The following TCF12 variants were observed in gnomAD, a reference collection of about 807,000 sequenced individuals.
TCF12 encodes the protein DNA-binding protein HTF4.
Under a neutral mutation model 86.0 loss-of-function variants are expected in TCF12, and 45 were observed. The ratio of observed to expected loss-of-function variants is 0.52; its 90% CI spans 0.41 to 0.67. TCF12 has a LOEUF of 0.67. Among genes scored for constraint, TCF12 ranks in the 30% least tolerant of loss-of-function variants. The pLI, the probability that TCF12 is intolerant of heterozygous loss-of-function variation, is 0.00. For missense variants in TCF12, 881 were observed against 859.9 expected (o/e 1.02, Z -0.31); for synonymous variants, 330 against 299.6 (o/e 1.10, Z -1.05).
chr15:57,220,466 T>C (rs1295010632), intron 8 of TCF12, among the ~76,000 whole-genome samples: 1 of 152,198 alleles, frequency 6.6e-6, no homozygotes, highest in Non-Finnish European at 1.5e-5. Context: ...ATTTTGACCT[T>C]GTGTGGATTC....
intron 3 of TCF12, among the ~76,000 whole-genome samples, chr15:56,999,737 G>A (rs1231166520): frequency 6.6e-6 from 1 of 152,022 alleles, no homozygotes; most frequent in Non-Finnish European, 1.5e-5. Flanking sequence ...AGCTGGGCGT[G>A]GTGGTGCATG....
intron 3 of TCF12, among the ~76,000 whole-genome samples, chr15:56,948,097 A>G (rs1301174128): frequency 6.6e-6 from 1 of 152,064 alleles, no homozygotes; most frequent in East Asian, 1.9e-4. Context: ...TGAAGTTTAA[A>G]TGAGATGATG....
intron 7 of TCF12, among the ~76,000 whole-genome samples, chr15:57,195,617 A>G (rs537820299): frequency 6.6e-6 from 1 of 152,170 alleles, no homozygotes; most frequent in Non-Finnish European, 1.5e-5. Flanking sequence ...TGTTGTGTAC[A>G]GTTTTCTTCA....
At chr15:56,967,071 G>A (rs529729851) in intron 3 of TCF12, among the ~76,000 whole-genome samples, 8 of 152,172 alleles carry the variant, frequency 5.3e-5, no homozygotes, top group African/African-American at 1.9e-4. Context: ...TCAGTGAGTC[G>A]AGATCGTGCC....
At chr15:56,979,585 C>T (rs769459022) in intron 3 of TCF12, among the ~76,000 whole-genome samples, 12 of 152,122 alleles carry the variant, frequency 7.9e-5, no homozygotes, top group South Asian at 2.1e-4. Context: ...GAGAGAAACA[C>T]GTTGAATGGT....
At chr15:57,267,206 A>G (rs2060911120) in intron 18 of TCF12, among the ~76,000 whole-genome samples, 2 of 152,212 alleles carry the variant, frequency 1.3e-5, no homozygotes, top group African/African-American at 4.8e-5. Context: ...AGATAAAACT[A>G]AAAGAAGCAG....
At chr15:57,256,624 T>G (rs1424204005) in intron 16 of TCF12, among the ~76,000 whole-genome samples, 2 of 146,474 alleles carry the variant, frequency 1.4e-5, no homozygotes, top group African/African-American at 5.0e-5. Flanking sequence ...TTTTCCGGAA[T>G]TAACATAAGT....
chr15:57,217,939 A>G (rs1429702688), intron 8 of TCF12, among the ~76,000 whole-genome samples: 2 of 152,166 alleles, frequency 1.3e-5, no homozygotes, highest in Non-Finnish European at 2.9e-5. Context: ...TGGCATTTTA[A>G]TAGTCTGCTG....
intron 8 of TCF12, among the ~76,000 whole-genome samples, chr15:57,229,683 T>G (rs2059042407): frequency 6.6e-6 from 1 of 151,932 alleles, no homozygotes; most frequent in South Asian, 2.1e-4. Context: ...TAACTACTTC[T>G]GTTAGAATGA....
chr15:56,957,880 A>G (rs1298840191), intron 3 of TCF12, among the ~76,000 whole-genome samples: 1 of 144,282 alleles, frequency 6.9e-6, no homozygotes, highest in Non-Finnish European at 1.6e-5. Context: ...TTGCTTTTAA[A>G]GATTTGTTAG....
rs138315824 is a variant in TCF12 at position 57,267,643 on chromosome 15, C to T, written c.1745+4369C>T. Among the ~76,000 whole-genome samples the T allele has an allele frequency of 2.7e-3, 406 of 152,262 alleles. 1 individual carries two copies. The highest frequency in any genetic ancestry group is 9.2e-3 in the African/African-American group (381 of 41,542). ...AAAGTAGCCAAAGTCAAATGGGTAT[C>T]GCTGTTCCAATAAAATTTTACTTAC... On this transcript the variant is annotated intron_variant, in intron 18 of 20. Coordinates refer to ENST00000333725, the MANE Select transcript of TCF12 (RefSeq NM_207037.2).
intron 5 of TCF12, among the ~76,000 whole-genome samples, chr15:57,126,724 G>C (rs1292825500): frequency 1.3e-5 from 2 of 151,900 alleles, no homozygotes; most frequent in Non-Finnish European, 2.9e-5. Context: ...TTAATATCTG[G>C]TCTCCCCAGT....
At chr15:57,176,954 A>G (rs1222057858) in intron 6 of TCF12, among the ~76,000 whole-genome samples, 2 of 152,162 alleles carry the variant, frequency 1.3e-5, no homozygotes, top group African/African-American at 4.8e-5. Flanking sequence ...GATTTAGGGA[A>G]TTGTTGGAGT....
rs185167800 is a variant in TCF12, at chr15:57,074,007, C to A, written c.222+10184C>A. ...CCTCATGATCCGCCTGTCTCGTCCT[C>A]CCAAAGTGCTGGGATTACAGGCATG... On this transcript the variant is annotated intron_variant, in intron 4 of 20. Transcript: ENST00000333725. Among the ~76,000 whole-genome samples the A allele has an allele frequency of 3.6e-3, 555 of 152,250 alleles. 5 individuals are homozygous for A. Among genetic ancestry groups the A allele is most frequent in the African/African-American group, 0.013 (528 of 41,534 alleles).
intron 3 of TCF12, among the ~76,000 whole-genome samples, chr15:56,973,414 C>A (rs545536206): frequency 6.6e-6 from 1 of 152,062 alleles, no homozygotes; most frequent in Admixed American, 6.6e-5. Flanking sequence ...CTGGCCTTAT[C>A]TGTGCTACTG....
Position 57,232,379 on chromosome 15 carries a change from C to T in TCF12, c.774C>T (p.Ser258=), listed in dbSNP as rs781436275. The change falls in exon 10 of 21, where the codon TCC becomes TCT. Residue 258 remains serine, a synonymous_variant. Coordinates refer to ENST00000333725, the MANE Select transcript of TCF12 (RefSeq NM_207037.2). ...GFGGILGTST[S]HMSQSSSYGN... ...GTGGAATTCTGGGGACCTCCACTTCCCACATGTCTCAATCCAGTAGTTATG... is the reference window on the plus strand; with the variant it reads ...GTGGAATTCTGGGGACCTCCACTTCTCACATGTCTCAATCCAGTAGTTATG... 1 of 1,613,304 alleles carries T rather than the reference C, an allele frequency of 6.2e-7. No individual in the cohort carries two copies. Among genetic ancestry groups the T allele is most frequent in the South Asian group, 1.1e-5 (1 of 90,892 alleles).
chr15:57,143,047 T>C (rs1440661987), intron 5 of TCF12, among the ~76,000 whole-genome samples: 1 of 151,974 alleles, frequency 6.6e-6, no homozygotes, highest in Non-Finnish European at 1.5e-5. Flanking sequence ...GTATAAATGC[T>C]TGAGGTGATG....
intron 3 of TCF12, among the ~76,000 whole-genome samples, chr15:57,052,349 G>A (rs1463858637): frequency 6.6e-6 from 1 of 152,082 alleles, no homozygotes; most frequent in Non-Finnish European, 1.5e-5. Flanking sequence ...AAGTGGATAA[G>A]TAAAAAACTA....
intron 16 of TCF12, 145 bp downstream of exon 16, chr15:57,253,613 A>G: frequency 1.1e-6 from 1 of 890,216 alleles, no homozygotes; most frequent in African/African-American, 1.7e-5. Context: ...TTGGCAGTAA[A>G]GTATTGGCTA....
Sources: allele counts gnomAD v4.1 joint callset (sites outside exome capture counted in the v4.1 genomes callset), GRCh38; gene constraint gnomAD v4.1.1; transcripts MANE v1.5; gene names NCBI Gene and HGNC (gene_info 2026-07-23, HGNC 2026-07-21).